PTPN21: variants seen among roughly 807,000 people sequenced by gnomAD.
PTPN21 encodes protein tyrosine phosphatase non-receptor type 21.
A neutral mutation model predicts 131.8 loss-of-function variants in PTPN21; 77 were observed. The ratio of observed to expected loss-of-function variants is 0.58; its 90% CI spans 0.49 to 0.71. The LOEUF (loss-of-function observed/expected upper bound fraction) is 0.71. Ranked by LOEUF, PTPN21 falls within the 30% of genes least tolerant of loss-of-function variation. The pLI is 0.00. For synonymous variants in PTPN21, 715 were observed against 621.3 expected (o/e 1.15, Z -2.24); for missense variants, 1,552 against 1,527.1 (o/e 1.02, Z -0.27).
chr14:88,546,938 T>C lies in PTPN21; in HGVS notation c.180+3300A>G, dbSNP rs556961235. 1.2e-3 allele frequency among the ~76,000 whole-genome samples: 184 copies of C among 152,338 alleles called. 2 individuals carry two copies. Among genetic ancestry groups the C allele is most frequent in the Admixed American group, 1.2e-3 (19 of 15,306 alleles). ...GTTTGCTATACAAACTTTCTACCCATGACTGTTACATTTATGTTGGAAATT... is the reference window on the plus strand; with the variant it reads ...GTTTGCTATACAAACTTTCTACCCACGACTGTTACATTTATGTTGGAAATT... On this transcript the variant is annotated intron_variant, in intron 2 of 18. Transcript: ENST00000556564.
intron 10 of PTPN21, among the ~76,000 whole-genome samples, chr14:88,489,030 G>A (rs1264590606): frequency 6.6e-6 from 1 of 152,102 alleles, no homozygotes; most frequent in Non-Finnish European, 1.5e-5. Context: ...TGGCAAACAA[G>A]TAGTAGAACC....
At chr14:88,506,844 C>A (rs1164778712) in intron 4 of PTPN21, among the ~76,000 whole-genome samples, 1 of 152,034 alleles carries the variant, frequency 6.6e-6, no homozygotes, top group African/African-American at 2.4e-5. Context: ...GAGTTTGAGA[C>A]CAGCCTGGCC....
At chr14:88,492,257 C>T (rs150397815) in intron 10 of PTPN21, among the ~76,000 whole-genome samples, 1 of 152,336 alleles carries the variant, frequency 6.6e-6, no homozygotes, top group East Asian at 1.9e-4. Flanking sequence ...CAACAGACTG[C>T]ATTATCTACT....
intron 2 of PTPN21, among the ~76,000 whole-genome samples, chr14:88,524,826 G>T (rs1034164702): frequency 1.9e-4 from 29 of 150,066 alleles, no homozygotes; most frequent in African/African-American, 6.6e-4. Context: ...GCTCACTTGG[G>T]CCCAGGAGAC....
Position 88,479,842 on chromosome 14 carries a change from C to T in PTPN21, c.1589G>A (p.Arg530Gln), listed in dbSNP as rs534280161. 42 of 1,555,098 alleles carry T rather than the reference C, an allele frequency of 2.7e-5. No individual in the cohort carries two copies. The South Asian group carries it at 4.0e-4, about 15-fold the overall frequency. Reference protein sequence around the residue: ...SPSPYPYPAERRPVVGAVSVP... With the variant: ...SPSPYPYPAEQRPVVGAVSVP... ...GCTGACCGCGCCCACCACGGGCCGCCGCTCGGCAGGGTAGGGGTAGGGAGA... is the reference window on the plus strand; with the variant it reads ...GCTGACCGCGCCCACCACGGGCCGCTGCTCGGCAGGGTAGGGGTAGGGAGA... Residue 530 changes from arginine to glutamine, a missense_variant, in exon 13 of 19, where the codon CGG becomes CAG. By Grantham distance (43) the Arg-to-Gln change is conservative (BLOSUM62 1). Transcript: ENST00000556564.
intron 4 of PTPN21, among the ~76,000 whole-genome samples, chr14:88,507,125 GAAAT>G (rs1052431443): frequency 2.0e-5 from 3 of 151,954 alleles, no homozygotes; most frequent in African/African-American, 7.3e-5. Context: ...AAAACCTATT[GAAAT>G]AAATAAAAAG....
chr14:88,549,075 T>C (rs1347291450), intron 2 of PTPN21, among the ~76,000 whole-genome samples: 1 of 152,210 alleles, frequency 6.6e-6, no homozygotes, highest in Non-Finnish European at 1.5e-5. Flanking sequence ...GTTCAGGCAG[T>C]ATGTTTCTAG....
intron 10 of PTPN21, chr14:88,493,081 G>A (rs980595229): frequency 4.4e-5 from 20 of 456,640 alleles, no homozygotes; most frequent in African/African-American, 3.6e-4. Context: ...TTGTGTGGCA[G>A]GGCAAGACAT....
chr14:88,507,727 G>A (rs1353366814), intron 4 of PTPN21, among the ~76,000 whole-genome samples, 196 bp downstream of exon 4: 1 of 152,014 alleles, frequency 6.6e-6, no homozygotes, highest in African/African-American at 2.4e-5. Flanking sequence ...TTAACTTCCA[G>A]AAGTCTCATA....
chr14:88,548,045 C>A (rs2078807924), intron 2 of PTPN21, among the ~76,000 whole-genome samples: 1 of 152,154 alleles, frequency 6.6e-6, no homozygotes, highest in South Asian at 2.1e-4. Flanking sequence ...TCTGTTATAG[C>A]CCCACCATCT....
intron 2 of PTPN21, among the ~76,000 whole-genome samples, chr14:88,519,162 G>C (rs1364372863): frequency 6.6e-6 from 1 of 152,134 alleles, no homozygotes; most frequent in African/African-American, 2.4e-5. Flanking sequence ...CCCTGGGCCT[G>C]GTCAACCTGA....
chr14:88,499,103 G>A (rs1037757849), intron 8 of PTPN21, among the ~76,000 whole-genome samples: 10 of 152,240 alleles, frequency 6.6e-5, no homozygotes, highest in East Asian at 1.9e-4. Flanking sequence ...GTGAAGCCAC[G>A]GATCCATTTT....
chr14:88,501,306 T>C lies in PTPN21; in HGVS notation c.650A>G (p.Tyr217Cys), dbSNP rs751962305. The change falls in exon 7 of 19, where the codon TAT (tyrosine) becomes TGT (cysteine). Residue 217 changes from tyrosine (Y) to cysteine (C), a missense_variant. Physicochemically the swap from Tyr to Cys is radical, Grantham distance 194 (BLOSUM62 -2). This residue lies in a region of PTPN21 where 14 missense variants were observed against 43.5 expected (regional missense o/e 0.32). Transcript: ENST00000556564. ...CTTAGCAGGGTAGCTCTCTTCTCCA[T>C]AGCCATCCATTCTCTCTACCTCCTG... ...YMQEVERMDG[Y>C]GEESYPAKDS... The C allele has an allele frequency of 3.4e-5, 55 of 1,613,852 alleles. No homozygotes were observed. The highest frequency in any genetic ancestry group is 2.2e-5 in the East Asian group (1 of 44,880).
chr14:88,502,397 G>A (rs1807012109), intron 6 of PTPN21, among the ~76,000 whole-genome samples: 1 of 152,064 alleles, frequency 6.6e-6, no homozygotes, highest in Non-Finnish European at 1.5e-5. Flanking sequence ...CACCTTCTGG[G>A]ATTCTCCAAT....
chr14:88,531,678 GCA>G (rs2078557252), intron 2 of PTPN21, among the ~76,000 whole-genome samples: 1 of 152,016 alleles, frequency 6.6e-6, no homozygotes, highest in African/African-American at 2.4e-5. Context: ...GTCTGAAAGA[GCA>G]CACAGACAAT....
chr14:88,514,611 T>C (rs1420253414), intron 3 of PTPN21, among the ~76,000 whole-genome samples: 2 of 152,008 alleles, frequency 1.3e-5, no homozygotes, highest in African/African-American at 4.8e-5. Flanking sequence ...ATTACAGGCA[T>C]GTGCCACCAC....
At position 88,468,256 on chromosome 14, in the gene PTPN21, T is replaced by C. The variant is rs2140074891; in HGVS notation, c.3406A>G (p.Ile1136Val). 1 of 1,600,706 alleles carries C rather than the reference T, an allele frequency of 6.2e-7. No homozygotes were observed. The highest frequency in any genetic ancestry group is 8.5e-7 in the Non-Finnish European group (1 of 1,174,532). The change falls in exon 19 of 19, where the codon ATC (isoleucine) becomes GTC (valine). Residue 1136 changes from isoleucine to valine, a missense_variant. Physicochemically the swap from Ile to Val is conservative, Grantham distance 29. This residue lies in a region of PTPN21 where 316 missense variants were observed against 378.5 expected (regional missense o/e 0.83). Transcript: ENST00000556564. ...CTCAGCATGTCCAGCACTCTCGGGA[T>C]GTCCAGCACCTAGGTTGAGAGAAAC... Reference protein sequence around the residue: ...ACLEHNEVLDIPRVLDMLRQQ... With the variant: ...ACLEHNEVLDVPRVLDMLRQQ...
At chr14:88,477,606 C>T (rs1238795270) in intron 13 of PTPN21, among the ~76,000 whole-genome samples, 1 of 152,068 alleles carries the variant, frequency 6.6e-6, no homozygotes, top group Non-Finnish European at 1.5e-5. Flanking sequence ...GGATGTCATA[C>T]ACTAGGCCAG....
chr14:88,480,347 G>C lies in PTPN21; in HGVS notation c.1084C>G (p.Leu362Val). The C allele has an allele frequency of 6.2e-7, 1 of 1,602,246 alleles. No homozygotes were observed. Among genetic ancestry groups the C allele is most frequent in the Non-Finnish European group, 8.5e-7 (1 of 1,172,592 alleles). The change falls in exon 13 of 19, where the codon CTC becomes GTC. Residue 362 changes from leucine to valine, a missense_variant. Around this residue, in one of 4 missense-constraint regions of PTPN21, gnomAD observed 1,016 missense variants for 883.5 expected, o/e 1.15. Transcript: ENST00000556564. ...TEPYASSQDNLFVPNQNGYYC... is the reference protein window; with the variant it reads ...TEPYASSQDNVFVPNQNGYYC... ...TATCCGTTCTGGTTGGGCACAAAGA[G>C]GTTATCTAGAAAAAATGAGTTCAAA...
Sources: gnomAD v4.1 joint callset for allele counts (sites outside exome capture counted in the v4.1 genomes callset) on GRCh38, gnomAD v4.1.1 for gene constraint, gnomAD v4.1.1 regional missense constraint, MANE v1.5 for transcripts, NCBI Gene and HGNC (gene_info 2026-07-23, HGNC 2026-07-21) for gene names.